TAFA2: variants seen among roughly 807,000 people sequenced by gnomAD.
TAFA2 encodes chemokine-like protein TAFA-2.
A neutral mutation model predicts 18.8 loss-of-function variants in TAFA2; 7 were observed. The observed-to-expected ratio is 0.37, with a 90% confidence interval of 0.21 to 0.70. The LOEUF (loss-of-function observed/expected upper bound fraction) is 0.70, where lower values mean the gene tolerates loss of function less well. Among genes scored for constraint, TAFA2 ranks in the 30% least tolerant of loss-of-function variants. The pLI is 0.53. For missense variants in TAFA2, 122 were observed against 158.1 expected (o/e 0.77, Z 1.23); for synonymous variants, 60 against 54.2 (o/e 1.11, Z -0.47).
chr12:62,022,915 C>G (rs1259713219), intron 1 of TAFA2, among the ~76,000 whole-genome samples: 1 of 152,206 alleles, frequency 6.6e-6, no homozygotes, highest in Non-Finnish European at 1.5e-5. Context: ...ACCATACCAG[C>G]AATCACAAAC....
rs201626744 is a variant in TAFA2, at chr12:61,739,528, T to A, written c.384+14094A>T. ...ATATTTATCTTTACCTTCAGTATCATATAGTGATGTGAAACAGTTTTACTG... is the reference window on the plus strand; with the variant it reads ...ATATTTATCTTTACCTTCAGTATCAAATAGTGATGTGAAACAGTTTTACTG... On this transcript the variant is annotated intron_variant, in intron 4 of 4. Transcript: ENST00000416284. Among the ~76,000 whole-genome samples the A allele has an allele frequency of 5.9e-5, 9 of 152,214 alleles. No individual in the cohort carries two copies. In the East Asian group the frequency reaches 1.7e-3, roughly 30 times the overall value.
intron 1 of TAFA2, among the ~76,000 whole-genome samples, chr12:62,210,571 A>T (rs556986974): frequency 6.6e-6 from 1 of 152,360 alleles, no homozygotes; most frequent in East Asian, 1.9e-4. Context: ...CAAGCATCGC[A>T]GTACATGTTG....
At chr12:62,030,234 A>C (rs934377470) in intron 1 of TAFA2, among the ~76,000 whole-genome samples, 1 of 152,114 alleles carries the variant, frequency 6.6e-6, no homozygotes, top group Admixed American at 6.5e-5. Context: ...CATTACTGAT[A>C]AGGTCTGGGT....
chr12:61,830,009 G>A (rs1212713078), intron 2 of TAFA2, among the ~76,000 whole-genome samples: 2 of 151,386 alleles, frequency 1.3e-5, no homozygotes, highest in African/African-American at 4.9e-5. Context: ...TTGTTCCTGT[G>A]CTATAATGTC....
chr12:62,132,564 A>G (rs1306420884), intron 1 of TAFA2, among the ~76,000 whole-genome samples: 1 of 152,050 alleles, frequency 6.6e-6, no homozygotes, highest in African/African-American at 2.4e-5. Flanking sequence ...TTTAAAATCA[A>G]TACATTGCTC....
intron 1 of TAFA2, among the ~76,000 whole-genome samples, chr12:61,915,482 G>A (rs571895060): frequency 1.3e-5 from 2 of 152,182 alleles, no homozygotes; most frequent in Non-Finnish European, 2.9e-5. Context: ...AAGCTATATA[G>A]AGAGATATTT....
chr12:62,073,676 G>T (rs533625054), intron 1 of TAFA2, among the ~76,000 whole-genome samples: 1 of 152,196 alleles, frequency 6.6e-6, no homozygotes, highest in Admixed American at 6.5e-5. Flanking sequence ...CTTTAGGTCT[G>T]TTTAACTTCA....
intron 1 of TAFA2, among the ~76,000 whole-genome samples, chr12:61,906,695 G>A (rs1182428414): frequency 6.6e-6 from 1 of 152,178 alleles, no homozygotes; most frequent in Non-Finnish European, 1.5e-5. Flanking sequence ...ATATGGGAAA[G>A]TTTGGATCTT....
chr12:61,930,273 G>A (rs895325425), intron 1 of TAFA2, among the ~76,000 whole-genome samples: 2 of 152,158 alleles, frequency 1.3e-5, no homozygotes, highest in South Asian at 4.1e-4. Context: ...ACCATAAATT[G>A]GCAAGATTAA....
intron 1 of TAFA2, among the ~76,000 whole-genome samples, chr12:62,038,226 A>C (rs949605057): frequency 9.9e-5 from 15 of 152,162 alleles, no homozygotes; most frequent in African/African-American, 3.4e-4. Flanking sequence ...ATTTTTGCTA[A>C]AATAATAGAT....
At chr12:61,796,952 G>A (rs1871212718) in intron 2 of TAFA2, among the ~76,000 whole-genome samples, 1 of 152,102 alleles carries the variant, frequency 6.6e-6, no homozygotes. Context: ...CATGTGAAGA[G>A]GTCATACCTC....
chr12:61,899,795 A>G (rs749004146), intron 1 of TAFA2, among the ~76,000 whole-genome samples: 2 of 152,202 alleles, frequency 1.3e-5, no homozygotes, highest in Non-Finnish European at 2.9e-5. Flanking sequence ...TTTGCTTGTC[A>G]TTATTCTCTA....
At chr12:62,057,771 C>T (rs1592309725) in intron 1 of TAFA2, among the ~76,000 whole-genome samples, 1 of 152,248 alleles carries the variant, frequency 6.6e-6, no homozygotes, top group East Asian at 1.9e-4. Context: ...CAATTATTTG[C>T]AATTGCCATA....
chr12:62,234,504 G>T, intron 1 of TAFA2: 1 of 1,074,824 alleles, frequency 9.3e-7, no homozygotes, highest in East Asian at 2.6e-5. Context: ...ACTCTTGGCT[G>T]CACTGATCAC....
chr12:61,883,491 G>A (rs183744789), intron 1 of TAFA2, among the ~76,000 whole-genome samples: 4 of 152,240 alleles, frequency 2.6e-5, no homozygotes, highest in Admixed American at 6.5e-5. Context: ...TTTATGCAAG[G>A]CCCCACAGTG....
At chr12:61,743,608 C>G (rs1287494891) in intron 4 of TAFA2, among the ~76,000 whole-genome samples, 1 of 152,022 alleles carries the variant, frequency 6.6e-6, no homozygotes, top group Non-Finnish European at 1.5e-5. Context: ...CAACACCACC[C>G]TTTATATTAG....
chr12:61,782,271 A>T (rs1870538233), intron 2 of TAFA2, among the ~76,000 whole-genome samples: 1 of 151,682 alleles, frequency 6.6e-6, no homozygotes, highest in Non-Finnish European at 1.5e-5. Flanking sequence ...ACTGATAAAG[A>T]CTATGTTTGA....
intron 1 of TAFA2, among the ~76,000 whole-genome samples, chr12:62,073,051 A>G (rs1222490381): frequency 1.3e-5 from 2 of 152,254 alleles, no homozygotes; most frequent in Non-Finnish European, 2.9e-5. Context: ...CAGAGGACAG[A>G]GCAAGAGCTA....
At chr12:62,132,316 G>T (rs981311216) in intron 1 of TAFA2, among the ~76,000 whole-genome samples, 9 of 149,648 alleles carry the variant, frequency 6.0e-5, no homozygotes, top group Non-Finnish European at 1.2e-4. Context: ...AAAAAAATGA[G>T]TTTCCAGGAG....
Sources: gnomAD v4.1 joint callset for allele counts (sites outside exome capture counted in the v4.1 genomes callset) on GRCh38, gnomAD v4.1.1 for gene constraint, MANE v1.5 for transcripts, NCBI Gene and HGNC (gene_info 2026-07-23, HGNC 2026-07-21) for gene names.